Variants in SGCE observed in about 807,000 individuals in gnomAD.
SGCE encodes sarcoglycan epsilon.
In SGCE, 26 loss-of-function variants were observed where a neutral mutation model predicts 57.8. That is an observed-to-expected ratio of 0.45 (90% CI 0.33 to 0.62). The LOEUF is 0.62. Ranked by LOEUF, SGCE falls within the 20% of genes least tolerant of loss-of-function variation. The pLI, the probability that SGCE is intolerant of heterozygous loss-of-function variation, is 0.02. For synonymous variants in SGCE, 183 were observed against 189.5 expected (o/e 0.97, Z 0.28); for missense variants, 468 against 548.6 (o/e 0.85, Z 1.47).
At position 94,586,061 on chromosome 7, in the gene SGCE, G is replaced by GAAAAAAA. The variant is rs780812386; in HGVS notation, c.1298-553_1298-547dup. The stretch of plus-strand genomic sequence containing the variant: ...TTTAAAAGAAAACAAGGAACTAAAT[G>GAAAAAAA]AAAAAAAAAAAAAAAAAAAAAAAAA... On this transcript the variant is annotated intron_variant, in intron 10 of 10. Coordinates refer to ENST00000648936, the MANE Select transcript of SGCE (RefSeq NM_003919.3). Among the ~76,000 whole-genome samples the GAAAAAAA allele has an allele frequency of 6.1e-3, 175 of 28,902 alleles. 2 individuals are homozygous for GAAAAAAA. Among genetic ancestry groups the GAAAAAAA allele is most frequent in the Non-Finnish European group, 7.1e-3 (120 of 16,948 alleles). The allele number at this position is 28,902 out of a possible 152,430, so 19.0% of individuals were successfully genotyped here.
At chr7:94,587,883 G>C (rs935658244) in intron 10 of SGCE, 3 of 1,502,470 alleles carry the variant, frequency 2.0e-6, no homozygotes, top group Admixed American at 4.9e-5. Context: ...TTCTGAATGT[G>C]CCTGAAGTTT....
At chr7:94,614,761 C>T (rs972810702) in intron 5 of SGCE, among the ~76,000 whole-genome samples, 1 of 151,962 alleles carries the variant, frequency 6.6e-6, no homozygotes, top group African/African-American at 2.4e-5. Context: ...GATTATTTGC[C>T]TGCTCCCTAG....
At chr7:94,642,001 G>T (rs962850322) in intron 1 of SGCE, among the ~76,000 whole-genome samples, 8 of 152,020 alleles carry the variant, frequency 5.3e-5, no homozygotes, top group Non-Finnish European at 1.2e-4. Context: ...GTATCAAAAT[G>T]TCACAGGCAC....
intron 5 of SGCE, among the ~76,000 whole-genome samples, chr7:94,612,407 G>T (rs1021437414): frequency 2.6e-5 from 4 of 151,924 alleles, no homozygotes; most frequent in African/African-American, 7.3e-5. Flanking sequence ...TAATCTAATT[G>T]CAATAATCTC....
intron 1 of SGCE, among the ~76,000 whole-genome samples, chr7:94,649,069 C>T (rs753381478): frequency 3.3e-5 from 5 of 152,182 alleles, no homozygotes; most frequent in Non-Finnish European, 7.3e-5. Flanking sequence ...GCGTACATGT[C>T]ACAACAGATA....
At chr7:94,605,660 GAC>G (rs1800002915) in intron 5 of SGCE, among the ~76,000 whole-genome samples, 1 of 151,834 alleles carries the variant, frequency 6.6e-6, no homozygotes, top group African/African-American at 2.4e-5. Flanking sequence ...ATCAGTAAAA[GAC>G]AGTTTAAAAA....
At chr7:94,619,370 T>A (rs1802423213) in intron 4 of SGCE, 3 of 163,182 alleles carry the variant, frequency 1.8e-5, no homozygotes, top group Admixed American at 1.2e-4. Flanking sequence ...CCACAGTTTT[T>A]AATCACACTA....
intron 4 of SGCE, chr7:94,620,853 A>G (rs1802658583): frequency 6.6e-6 from 1 of 152,172 alleles, no homozygotes; most frequent in Non-Finnish European, 1.5e-5. Context: ...CTACCCATCC[A>G]AGAGCTGCTG....
At chr7:94,638,725 T>C (rs1805961003) in intron 1 of SGCE, among the ~76,000 whole-genome samples, 1 of 152,114 alleles carries the variant, frequency 6.6e-6, no homozygotes, top group African/African-American at 2.4e-5. Flanking sequence ...TGTTAAGTAA[T>C]GCCTTTTCTC....
At chr7:94,642,797 T>C (rs1418523408) in intron 1 of SGCE, among the ~76,000 whole-genome samples, 1 of 152,208 alleles carries the variant, frequency 6.6e-6, no homozygotes, top group Non-Finnish European at 1.5e-5. Context: ...CAAAGAACAA[T>C]GTATTTGTGG....
At chr7:94,623,282 ACTT>A in intron 4 of SGCE, 40 bp downstream of exon 4, 1 of 1,229,154 alleles carries the variant, frequency 8.1e-7, no homozygotes, top group Non-Finnish European at 1.2e-6. Context: ...ATAATGAAAT[ACTT>A]CTTATAAATA....
intron 9 of SGCE, chr7:94,590,868 A>G (rs980529064): frequency 1.3e-5 from 2 of 152,228 alleles, no homozygotes; most frequent in Admixed American, 6.5e-5. Flanking sequence ...TTCCAAATAC[A>G]ACAATCTAAA....
intron 10 of SGCE, chr7:94,587,547 G>A: frequency 7.6e-7 from 1 of 1,318,110 alleles, no homozygotes; most frequent in Non-Finnish European, 9.6e-7. Context: ...ATTAGTGGTA[G>A]TAGGGATTCA....
At chr7:94,642,602 GAC>G (rs1482020685) in intron 1 of SGCE, among the ~76,000 whole-genome samples, 1 of 152,144 alleles carries the variant, frequency 6.6e-6, no homozygotes, top group Admixed American at 6.5e-5. Context: ...AACTCTAGAA[GAC>G]AGAGGAGCCA....
chr7:94,599,587 T>C, intron 8 of SGCE, 110 bp downstream of exon 8: 1 of 870,036 alleles, frequency 1.1e-6, no homozygotes, highest in South Asian at 1.4e-5. Flanking sequence ...TGAAATAAAC[T>C]ATGAAAGATG....
chr7:94,629,692 G>GC (rs1804362395), intron 2 of SGCE, 27 bp downstream of exon 2: 2 of 1,608,616 alleles, frequency 1.2e-6, no homozygotes, highest in East Asian at 2.2e-5. Context: ...TACGTTAACT[G>GC]CTTTTTTTTC....
intron 1 of SGCE, chr7:94,644,788 A>G (rs1215760734): frequency 8.4e-6 from 2 of 238,318 alleles, no homozygotes; most frequent in South Asian, 4.3e-5. Flanking sequence ...GACCCTCTAC[A>G]TTTTTCTCTT....
intron 8 of SGCE, 22 bp from the exon 9 acceptor site, chr7:94,598,985 C>G (rs1798822082): frequency 6.3e-7 from 1 of 1,587,426 alleles, no homozygotes; most frequent in African/African-American, 1.3e-5. Flanking sequence ...AGAAATAAAA[C>G]AACATATATT....
At chr7:94,643,609 C>T (rs1242784328) in intron 1 of SGCE, among the ~76,000 whole-genome samples, 1 of 152,116 alleles carries the variant, frequency 6.6e-6, no homozygotes, top group Non-Finnish European at 1.5e-5. Context: ...AAAGGCAAGA[C>T]ACGATGCCAC....
Sources: gnomAD v4.1 joint callset for allele counts (sites outside exome capture counted in the v4.1 genomes callset) on GRCh38, gnomAD v4.1.1 for gene constraint, MANE v1.5 for transcripts, NCBI Gene and HGNC (gene_info 2026-07-23, HGNC 2026-07-21) for gene names.